LRRC31: variants seen among roughly 807,000 people sequenced by gnomAD.
LRRC31 encodes the protein leucine-rich repeat-containing protein 31.
Under a neutral mutation model 46.7 loss-of-function variants are expected in LRRC31, and 35 were observed. The ratio of observed to expected loss-of-function variants is 0.75; its 90% CI spans 0.57 to 0.99. LRRC31 has a LOEUF of 0.99. Ranked by LOEUF, LRRC31 falls within the 50% of genes least tolerant of loss-of-function variation. LRRC31 has a pLI of 0.00. For synonymous variants in LRRC31, 236 were observed against 235.1 expected, an observed-to-expected ratio of 1.00 and a Z score of -0.03; for missense variants, 613 against 626.1, an observed-to-expected ratio of 0.98 and a Z score of 0.22.
intron 6 of LRRC31, 67 bp downstream of exon 6, chr3:169,854,746 T>C: frequency 7.8e-7 from 1 of 1,280,298 alleles, no homozygotes; most frequent in Non-Finnish European, 1.1e-6. Context: ...CATATTAAAA[T>C]TTCCAAGTTT....
intron 8 of LRRC31, among the ~76,000 whole-genome samples, chr3:169,843,375 T>C (rs1263436984): frequency 6.6e-6 from 1 of 152,216 alleles, no homozygotes; most frequent in Admixed American, 6.5e-5. Flanking sequence ...AAAGTGGATT[T>C]ATTCCTAGAG....
In LRRC31 at chr3:169,854,813, T is replaced by G; in HGVS notation, c.991A>C (p.Thr331Pro). ...SLTADDVMSL[T>P]QVIPLLSNLQ... ...CCTTTGCTCTGCAATATATACTTAC[T>G]CAGTGACATCACGTCATCTGCTGTT... The change falls in exon 6 of 9, where the codon ACC (threonine) becomes CCC (proline). Residue 331 changes from threonine (T) to proline (P), a missense_variant and splice_region_variant. Transcript: ENST00000316428. The G allele has an allele frequency of 1.2e-6, 2 of 1,609,160 alleles. No homozygotes were observed. Among genetic ancestry groups the G allele is most frequent in the Non-Finnish European group, 8.5e-7 (1 of 1,176,024 alleles).
chr3:169,840,242 C>T lies in LRRC31; in HGVS notation c.1399G>A (p.Asp467Asn). The T allele has an allele frequency of 1.2e-6, 2 of 1,614,142 alleles. No individual in the cohort carries two copies. The highest frequency in any genetic ancestry group is 2.2e-5 in the South Asian group (2 of 91,082). Residue 467 changes from aspartate (D) to asparagine (N), a missense_variant, in exon 9 of 9, where the codon GAT becomes AAT. Coordinates refer to ENST00000316428, the MANE Select transcript of LRRC31 (RefSeq NM_024727.4). Reference protein sequence around the residue: ...LDLSYNDSICDAGWTMFCQNV... With the variant: ...LDLSYNDSICNAGWTMFCQNV... The stretch of plus-strand genomic sequence containing the variant: ...TGGCAGAACATGGTCCACCCCGCAT[C>T]ACAGATGCTGTCATTGTAGCTCAGG...
In LRRC31 at chr3:169,854,659, G is replaced by A. The variant is rs528758394; in HGVS notation, c.991+154C>T. On this transcript the variant is annotated intron_variant, in intron 6 of 8. Transcript: ENST00000316428. ...TTACTGGGCGTTTAATACATGCCAA[G>A]TACTACATTGGGGCACTCACAGAAC... Among the ~76,000 whole-genome samples, 6 of 152,338 alleles carry A rather than the reference G, an allele frequency of 3.9e-5. No homozygotes were observed. In the East Asian group the frequency reaches 9.6e-4, roughly 24 times the overall value.
chr3:169,840,042 T>C lies in LRRC31; in HGVS notation c.1599A>G (p.Leu533=), dbSNP rs776348651. Residue 533 remains leucine (L), a synonymous_variant, in exon 9 of 9, where the codon CTA becomes CTG. Transcript: ENST00000316428. ...WILPASQEEE[L]ECFDQDKKRS... Reference sequence around the variant, plus strand: ...TTTTTTTATCTTGGTCAAAGCATTCTAGTTCTTCCTCCTGTGAAGCTGGGA... The same window carrying C: ...TTTTTTTATCTTGGTCAAAGCATTCCAGTTCTTCCTCCTGTGAAGCTGGGA... The C allele has an allele frequency of 6.2e-7, 1 of 1,614,118 alleles. No individual in the cohort carries two copies. Among genetic ancestry groups the C allele is most frequent in the Non-Finnish European group, 8.5e-7 (1 of 1,180,030 alleles).
rs78582889 is a variant in LRRC31, at chr3:169,842,937, C to T, written c.1328-2624G>A. ...AATCAAAAGCTTATTTTTTAGAAGA[C>T]ACAACATCAATAAACCCCTTGCAGT... On this transcript the variant is annotated intron_variant, in intron 8 of 8. Coordinates refer to ENST00000316428, the MANE Select transcript of LRRC31 (RefSeq NM_024727.4). Among the ~76,000 whole-genome samples the T allele has an allele frequency of 6.4e-3, 974 of 152,162 alleles. 22 individuals are homozygous for T. The East Asian group carries it at 0.076, about 12-fold the overall frequency.
intron 1 of LRRC31, among the ~76,000 whole-genome samples, chr3:169,864,937 C>T (rs1028350759): frequency 6.6e-6 from 1 of 152,030 alleles, no homozygotes; most frequent in South Asian, 2.1e-4. Context: ...ATTTGCCAGG[C>T]GTACTGGCAT....
chr3:169,847,248 C>T (rs537890673), intron 8 of LRRC31, among the ~76,000 whole-genome samples: 2 of 152,174 alleles, frequency 1.3e-5, no homozygotes, highest in Admixed American at 6.5e-5. Context: ...TGCAGTGGCA[C>T]GATCTCAGCT....
At chr3:169,865,374 C>T (rs993275597) in intron 1 of LRRC31, among the ~76,000 whole-genome samples, 1 of 152,040 alleles carries the variant, frequency 6.6e-6, no homozygotes, top group Non-Finnish European at 1.5e-5. Flanking sequence ...TGGGAGGCAC[C>T]CATGGGGGGC....
chr3:169,840,191 T>C lies in LRRC31; in HGVS notation c.1450A>G (p.Ile484Val), dbSNP rs746951524. ...GGTCGAAGGCTAATATCCAGCTCGA[T>C]TAGCTCTTTGAGGAACCGCACGTTT... The part of the protein sequence containing the change: ...CQNVRFLKEL[I>V]ELDISLRPSN... Residue 484 changes from isoleucine to valine, a missense_variant, in exon 9 of 9, where the codon ATC becomes GTC. By Grantham distance (29) the Ile-to-Val change is conservative. Transcript: ENST00000316428. 3 of 1,614,190 alleles carry C rather than the reference T, an allele frequency of 1.9e-6. No individual in the cohort carries two copies. Among genetic ancestry groups the C allele is most frequent in the Non-Finnish European group, 2.5e-6 (3 of 1,180,042 alleles).
intron 1 of LRRC31, among the ~76,000 whole-genome samples, chr3:169,862,510 C>T (rs1044227291): frequency 9.2e-5 from 14 of 152,062 alleles, no homozygotes; most frequent in Non-Finnish European, 1.9e-4. Flanking sequence ...CACCTGTAAT[C>T]CTAGTACTTT....
intron 1 of LRRC31, among the ~76,000 whole-genome samples, chr3:169,862,696 G>C (rs1490844778): frequency 6.6e-6 from 1 of 152,064 alleles, no homozygotes. Flanking sequence ...AGGAGGCAGA[G>C]ATTGCAGTAA....
rs73879139 is a variant in LRRC31 at position 169,869,929 on chromosome 3, C to T, written c.-122G>A. 6,600 of 755,118 alleles carry T rather than the reference C, an allele frequency of 8.7e-3. 336 individuals carry two copies. In the African/African-American group the frequency reaches 0.11, roughly 12 times the overall value. 46.8% of individuals were successfully genotyped at this position (755,118 alleles called of 1,614,324 possible). A position where few individuals can be genotyped will look rare whatever the true frequency, so the allele number is the denominator to read the frequency against. On this transcript the variant is annotated 5_prime_UTR_variant, in exon 1 of 9. It removes an upstream start codon present in the reference 5' UTR. Coordinates refer to ENST00000316428, the MANE Select transcript of LRRC31 (RefSeq NM_024727.4). The stretch of plus-strand genomic sequence containing the variant: ...TGTTCAATCAAAATATCCTCCCCTA[C>T]ATGACTGCCCCCCACTCCCTGCCGC...
At chr3:169,841,591 C>T (rs1186831456) in intron 8 of LRRC31, among the ~76,000 whole-genome samples, 5 of 152,098 alleles carry the variant, frequency 3.3e-5, no homozygotes, top group Admixed American at 2.0e-4. Context: ...CACGCTTTTT[C>T]TCTTTTAAAA....
At chr3:169,864,183 C>T (rs1781258063) in intron 1 of LRRC31, among the ~76,000 whole-genome samples, 1 of 152,208 alleles carries the variant, frequency 6.6e-6, no homozygotes, top group African/African-American at 2.4e-5. Flanking sequence ...CTCTGTCAAG[C>T]ATTTCCTTTA....
intron 3 of LRRC31, 141 bp from the exon 4 acceptor site, chr3:169,857,013 A>G: frequency 1.5e-6 from 1 of 689,246 alleles, no homozygotes; most frequent in Non-Finnish European, 2.2e-6. Context: ...GAACAGAGAG[A>G]AGGAAAGAAC....
chr3:169,860,767 G>A (rs377100121), intron 2 of LRRC31, 39 bp from the exon 3 acceptor site: 4 of 1,581,862 alleles, frequency 2.5e-6, no homozygotes, highest in Non-Finnish European at 2.6e-6. Context: ...ATGTGTATGT[G>A]ACTTGTGATT....
At chr3:169,856,199 T>C in intron 5 of LRRC31, 137 bp downstream of exon 5, 1 of 359,890 alleles carries the variant, frequency 2.8e-6, no homozygotes. Context: ...AGATTTCAAT[T>C]ACCCATAATC....
At chr3:169,860,318 C>G (rs1434144254) in intron 3 of LRRC31, among the ~76,000 whole-genome samples, 1 of 151,288 alleles carries the variant, frequency 6.6e-6, no homozygotes, top group Non-Finnish European at 1.5e-5. Flanking sequence ...ACTTCCGCCT[C>G]CCAGGTTCAA....
Sources: allele counts gnomAD v4.1 joint callset (sites outside exome capture counted in the v4.1 genomes callset), GRCh38; gene constraint gnomAD v4.1.1; transcripts MANE v1.5; gene names NCBI Gene and HGNC (gene_info 2026-07-23, HGNC 2026-07-21).